SYCP1: variants seen among roughly 807,000 people sequenced by gnomAD.
SYCP1 encodes synaptonemal complex protein 1.
Under a neutral mutation model 153.1 loss-of-function variants are expected in SYCP1, and 64 were observed. The ratio of observed to expected loss-of-function variants is 0.42; its 90% confidence interval spans 0.34 to 0.51. SYCP1 has a LOEUF of 0.51. SYCP1 is among the 20% of genes least tolerant of loss of function. The probability of loss-of-function intolerance (pLI) is 0.06; values close to 1 mark genes in which losing one functional copy is unlikely to be tolerated. For missense variants in SYCP1, 997 were observed against 1,049.0 expected, an observed-to-expected ratio of 0.95 and a Z score of 0.68; for synonymous variants, 384 against 341.8, an observed-to-expected ratio of 1.12 and a Z score of -1.36.
At chr1:114,901,119 C>T (rs1667414795) in intron 16 of SYCP1, among the ~76,000 whole-genome samples, 1 of 152,148 alleles carries the variant, frequency 6.6e-6, no homozygotes, top group Non-Finnish European at 1.5e-5. Context: ...CCCCAGTTGT[C>T]ATAAGATCTT....
intron 19 of SYCP1, 78 bp from the exon 20 acceptor site, chr1:114,913,897 A>G: frequency 1.9e-6 from 2 of 1,073,142 alleles, no homozygotes; most frequent in Non-Finnish European, 2.6e-6. Context: ...ATGCTGATAG[A>G]TAAAGGTCTT....
chr1:114,981,033 T>C (rs1388704594), intron 28 of SYCP1, among the ~76,000 whole-genome samples: 1 of 151,942 alleles, frequency 6.6e-6, no homozygotes, highest in African/African-American at 2.4e-5. Context: ...GTCCATGTGG[T>C]ATTTGGCTTT....
chr1:114,971,367 G>A (rs566175008), intron 27 of SYCP1, among the ~76,000 whole-genome samples: 1 of 152,194 alleles, frequency 6.6e-6, no homozygotes, highest in South Asian at 2.1e-4. Flanking sequence ...GCTTTGTACA[G>A]TTCGCCAGGG....
In SYCP1 at chr1:114,967,315, C is replaced by A. The variant is rs574648405; in HGVS notation, c.2323-10242C>A. On this transcript the variant is annotated intron_variant, in intron 27 of 31. Transcript: ENST00000369522. ...TATTACTGTGTGGGAGTCTAAGTCT[C>A]TTTGTAGGTCTCTTAAAACTTGCTT... 3.3e-5 allele frequency among the ~76,000 whole-genome samples: 5 copies of A among 152,254 alleles called. No homozygotes were observed. The South Asian group carries it at 1.0e-3, about 32-fold the overall frequency.
intron 17 of SYCP1, among the ~76,000 whole-genome samples, chr1:114,911,272 C>T (rs994221838): frequency 2.6e-5 from 4 of 151,686 alleles, no homozygotes; most frequent in Non-Finnish European, 5.9e-5. Context: ...TTTACAATAT[C>T]GAGATAGAAT....
At chr1:114,963,477 A>G (rs1671908678) in intron 27 of SYCP1, among the ~76,000 whole-genome samples, 1 of 152,134 alleles carries the variant, frequency 6.6e-6, no homozygotes, top group African/African-American at 2.4e-5. Flanking sequence ...TGCACTCACC[A>G]ATCTATCATC....
chr1:114,983,344 A>C (rs1328498350), intron 29 of SYCP1, among the ~76,000 whole-genome samples: 1 of 151,870 alleles, frequency 6.6e-6, no homozygotes, highest in Non-Finnish European at 1.5e-5. Context: ...CCAACTATTC[A>C]TCACTGCTTC....
chr1:114,952,355 G>A (rs528535283), intron 27 of SYCP1, among the ~76,000 whole-genome samples: 1 of 152,066 alleles, frequency 6.6e-6, no homozygotes, highest in Non-Finnish European at 1.5e-5. Context: ...ATTCCTGTAG[G>A]TTTGTAGTCA....
At chr1:114,950,300 T>G (rs1325450071) in intron 27 of SYCP1, among the ~76,000 whole-genome samples, 1 of 152,198 alleles carries the variant, frequency 6.6e-6, no homozygotes, top group Admixed American at 6.5e-5. Context: ...ATAATTGACA[T>G]GTAATGTGGT....
At chr1:114,970,133 T>C (rs973715587) in intron 27 of SYCP1, among the ~76,000 whole-genome samples, 8 of 152,212 alleles carry the variant, frequency 5.3e-5, no homozygotes, top group African/African-American at 1.9e-4. Flanking sequence ...TTTGTCTTTG[T>C]TGGATTGGAT....
chr1:114,941,431 A>C (rs530382726), intron 23 of SYCP1, among the ~76,000 whole-genome samples: 1 of 151,976 alleles, frequency 6.6e-6, no homozygotes, highest in Non-Finnish European at 1.5e-5. Flanking sequence ...ATATCTTTTA[A>C]ATCTGTTTAC....
chr1:114,876,025 A>G (rs777005077), intron 9 of SYCP1, 44 bp from the exon 10 acceptor site: 6 of 1,328,134 alleles, frequency 4.5e-6, no homozygotes, highest in African/African-American at 3.0e-5. Context: ...GAAGAAAGCT[A>G]TTTAAAAAAA....
At chr1:114,919,687 C>T (rs1255643402) in intron 20 of SYCP1, among the ~76,000 whole-genome samples, 4 of 151,728 alleles carry the variant, frequency 2.6e-5, no homozygotes, top group African/African-American at 4.8e-5. Flanking sequence ...ACTTGTTTTT[C>T]GTCTGTTCAG....
chr1:114,951,112 C>T (rs1671082136), intron 27 of SYCP1, among the ~76,000 whole-genome samples: 1 of 152,148 alleles, frequency 6.6e-6, no homozygotes, highest in Non-Finnish European at 1.5e-5. Context: ...GCGTGAGCCA[C>T]CACGCCCGGC....
intron 16 of SYCP1, among the ~76,000 whole-genome samples, chr1:114,902,684 C>G (rs1436630630): frequency 6.6e-6 from 1 of 150,464 alleles, no homozygotes; most frequent in Non-Finnish European, 1.5e-5. Context: ...TGAACAACAT[C>G]AATATCTGGA....
chr1:114,915,490 A>G (rs1395492739), intron 20 of SYCP1, among the ~76,000 whole-genome samples: 2 of 152,356 alleles, frequency 1.3e-5, no homozygotes, highest in East Asian at 3.9e-4. Context: ...CTATTTTCCT[A>G]CAAGTGAACA....
At chr1:114,900,148 A>G (rs1462714278) in intron 16 of SYCP1, among the ~76,000 whole-genome samples, 4 of 152,244 alleles carry the variant, frequency 2.6e-5, no homozygotes, top group East Asian at 3.8e-4. Flanking sequence ...TAGTCAATAT[A>G]TGCACACACA....
At chr1:114,954,633 T>A (rs887216137) in intron 27 of SYCP1, among the ~76,000 whole-genome samples, 2 of 151,888 alleles carry the variant, frequency 1.3e-5, no homozygotes, top group African/African-American at 4.8e-5. Flanking sequence ...CAGGCTGGAG[T>A]GCAGTGGCGT....
chr1:114,905,830 C>T (rs997533735), intron 16 of SYCP1, among the ~76,000 whole-genome samples: 15 of 152,134 alleles, frequency 9.9e-5, no homozygotes, highest in Non-Finnish European at 2.9e-5. Context: ...AGAAATTAGT[C>T]CATTTCCCCC....
Sources: allele counts gnomAD v4.1 joint callset (sites outside exome capture counted in the v4.1 genomes callset), GRCh38; gene constraint gnomAD v4.1.1; transcripts MANE v1.5; gene names NCBI Gene and HGNC (gene_info 2026-07-23, HGNC 2026-07-21).